The following MYO16 variants were observed in gnomAD, a reference collection of about 807,000 sequenced individuals.
MYO16 encodes the protein unconventional myosin-XVI.
In MYO16, 94 loss-of-function variants were observed where a neutral mutation model predicts 205.3. That is an observed-to-expected ratio of 0.46 (90% CI 0.39 to 0.54). MYO16 has a LOEUF of 0.54. MYO16 is among the 20% of genes least tolerant of loss of function. The pLI is 0.00. For missense variants in MYO16, 2,315 were observed against 2,387.5 expected (o/e 0.97, Z 0.63); for synonymous variants, 988 against 954.0 (o/e 1.04, Z -0.66).
chr13:109,048,204 T>TAG, intron 24 of MYO16: 1 of 487,870 alleles, frequency 2.0e-6, no homozygotes, highest in Non-Finnish European at 3.8e-6. Context: ...TGTGTGTGTA[T>TAG]TTAGAATGAA....
chr13:109,117,576 G>A (rs1463302553), intron 28 of MYO16, among the ~76,000 whole-genome samples: 1 of 150,410 alleles, frequency 6.6e-6, no homozygotes, highest in African/African-American at 2.4e-5. Flanking sequence ...ACTATAATAG[G>A]ATAAATAATC....
At chr13:108,832,562 A>G (rs940326842) in intron 9 of MYO16, among the ~76,000 whole-genome samples, 2 of 150,726 alleles carry the variant, frequency 1.3e-5, no homozygotes, top group Admixed American at 1.3e-4. Context: ...CCCCAGCATG[A>G]TGATGAATAA....
At chr13:108,587,849 C>T in the MYO16 span, among the ~76,000 whole-genome samples, 3 of 152,012 alleles carry the variant, frequency 2.0e-5, no homozygotes, top group Non-Finnish European at 4.4e-5. Flanking sequence ...ATAATACATC[C>T]GTGAGCAGAA....
the MYO16 span, among the ~76,000 whole-genome samples, chr13:108,504,414 A>T: frequency 6.6e-6 from 1 of 152,288 alleles, no homozygotes; most frequent in Non-Finnish European, 1.5e-5. Flanking sequence ...GGCGTGAGCC[A>T]CCACGCCCAG....
intron 17 of MYO16, among the ~76,000 whole-genome samples, chr13:108,961,088 T>C (rs766241589): frequency 5.3e-5 from 8 of 152,158 alleles, no homozygotes; most frequent in Non-Finnish European, 1.2e-4. Context: ...AGCGAAGAAA[T>C]GAACACCATG....
At chr13:108,720,153 G>A (rs577489298) in intron 3 of MYO16, among the ~76,000 whole-genome samples, 3 of 152,160 alleles carry the variant, frequency 2.0e-5, no homozygotes, top group African/African-American at 7.2e-5. Flanking sequence ...ATTTGCCAGA[G>A]AGAAGATCAT....
chr13:108,810,770 T>C (rs994783538), intron 7 of MYO16, among the ~76,000 whole-genome samples: 7 of 152,294 alleles, frequency 4.6e-5, no homozygotes, highest in African/African-American at 1.7e-4. Flanking sequence ...TTAGAGACAT[T>C]CACAGTAATT....
chr13:108,808,404 T>G (rs941105842), intron 7 of MYO16, among the ~76,000 whole-genome samples: 8 of 151,874 alleles, frequency 5.3e-5, no homozygotes, highest in Non-Finnish European at 8.8e-5. Flanking sequence ...CTCCGCCTCC[T>G]GAGTTCAAGC....
chr13:108,516,335 C>G, the MYO16 span, among the ~76,000 whole-genome samples: 2 of 151,790 alleles, frequency 1.3e-5, no homozygotes, highest in African/African-American at 2.4e-5. Context: ...TGCTTCGGCT[C>G]GCGCACGGTG....
At chr13:109,099,423 A>G (rs1888884344) in intron 27 of MYO16, among the ~76,000 whole-genome samples, 1 of 152,208 alleles carries the variant, frequency 6.6e-6, no homozygotes, top group Admixed American at 6.5e-5. Context: ...GCAAATTTCA[A>G]CAATGCGAAA....
At chr13:108,655,050 G>A (rs2139410007) in intron 1 of MYO16, among the ~76,000 whole-genome samples, 1 of 152,334 alleles carries the variant, frequency 6.6e-6, no homozygotes, top group Admixed American at 6.5e-5. Context: ...CATTTTCTGA[G>A]AAGAAATTCA....
chr13:108,904,906 T>G (rs1266885926), intron 15 of MYO16, among the ~76,000 whole-genome samples: 3 of 152,232 alleles, frequency 2.0e-5, no homozygotes, highest in Admixed American at 6.5e-5. Flanking sequence ...CTTTAGAGTG[T>G]ACGCAGTTTT....
upstream of MYO16, among the ~76,000 whole-genome samples, chr13:108,592,707 G>A (rs1392207899): frequency 2.4e-5 from 3 of 124,706 alleles, no homozygotes; most frequent in Non-Finnish European, 5.0e-5. Flanking sequence ...TGTGGGGTAC[G>A]TGTGGTGTGT....
At chr13:109,096,736 C>CA (rs11371300) in intron 27 of MYO16, among the ~76,000 whole-genome samples, 9 of 151,600 alleles carry the variant, frequency 5.9e-5, no homozygotes, top group Admixed American at 6.6e-5. Context: ...ACAAAGATGT[C>CA]CCCTTACTCT....
intron 1 of MYO16, among the ~76,000 whole-genome samples, chr13:108,663,955 T>C (rs1881613383): frequency 6.6e-6 from 1 of 152,174 alleles, no homozygotes; most frequent in African/African-American, 2.4e-5. Flanking sequence ...TCTACACAGA[T>C]GTGAAAGCAG....
chr13:109,175,936 G>GA (rs1286975524), intron 33 of MYO16, among the ~76,000 whole-genome samples: 1 of 151,590 alleles, frequency 6.6e-6, no homozygotes, highest in East Asian at 1.9e-4. Context: ...AGCTGCGTGA[G>GA]AAAATCCTTG....
At chr13:108,977,373 C>T (rs1422927224) in intron 20 of MYO16, among the ~76,000 whole-genome samples, 9 of 151,986 alleles carry the variant, frequency 5.9e-5, no homozygotes, top group Non-Finnish European at 8.8e-5. Context: ...AGAATTTTCC[C>T]GAGGTGTATA....
intron 22 of MYO16, among the ~76,000 whole-genome samples, chr13:109,012,214 A>G (rs943326535): frequency 1.3e-5 from 2 of 152,172 alleles, no homozygotes; most frequent in African/African-American, 4.8e-5. Context: ...AGTCGTCTAA[A>G]CCAGGGGTCC....
chr13:109,107,386 A>G (rs1474878366), intron 28 of MYO16, among the ~76,000 whole-genome samples: 1 of 152,214 alleles, frequency 6.6e-6, no homozygotes, highest in African/African-American at 2.4e-5. Context: ...TTGCTCTTAT[A>G]TTGCCAAGAA....
Sources: allele counts gnomAD v4.1 joint callset (sites outside exome capture counted in the v4.1 genomes callset), GRCh38; gene constraint gnomAD v4.1.1; transcripts MANE v1.5; gene names NCBI Gene and HGNC (gene_info 2026-07-23, HGNC 2026-07-21).